TMEM108: variants seen among roughly 807,000 people sequenced by gnomAD.
TMEM108 encodes transmembrane protein 108.
Under a neutral mutation model 35.1 loss-of-function variants are expected in TMEM108, and 12 were observed. The observed-to-expected ratio is 0.34, with a 90% CI of 0.22 to 0.55. The LOEUF (loss-of-function observed/expected upper bound fraction) is 0.55. Ranked by LOEUF, TMEM108 falls within the 20% of genes least tolerant of loss-of-function variation. TMEM108 has a pLI of 0.89. For synonymous variants in TMEM108, 287 were observed against 308.6 expected, an observed-to-expected ratio of 0.93 and a Z score of 0.73; for missense variants, 680 against 753.3, an observed-to-expected ratio of 0.90 and a Z score of 1.14.
intron 3 of TMEM108, among the ~76,000 whole-genome samples, chr3:133,252,676 AG>A (rs572824336): frequency 4.1e-4 from 62 of 152,264 alleles, no homozygotes; most frequent in African/African-American, 1.4e-3. Flanking sequence ...GAAAAGATGA[AG>A]GGGTCAAGGA....
intron 4 of TMEM108, among the ~76,000 whole-genome samples, chr3:133,382,416 CTCAGCCCCGGCCCTTCAAGTCT>C (rs1240486407): frequency 1.9e-4 from 29 of 152,376 alleles, no homozygotes; most frequent in African/African-American, 6.7e-4. Context: ...ATCCAAGCTG[CTCAGCCCCGGCCCTTCAAGTCT>C]TCTTTGTAGG....
chr3:133,298,087 G>A (rs980956536), intron 3 of TMEM108, among the ~76,000 whole-genome samples: 1 of 152,130 alleles, frequency 6.6e-6, no homozygotes, highest in Non-Finnish European at 1.5e-5. Flanking sequence ...CACGCTACTG[G>A]AGAGAATTGG....
intron 2 of TMEM108, among the ~76,000 whole-genome samples, chr3:133,121,280 T>C (rs948701476): frequency 6.6e-6 from 1 of 152,244 alleles, no homozygotes; most frequent in South Asian, 2.1e-4. Flanking sequence ...AGGAGTGTTA[T>C]AATAGAACAT....
intron 3 of TMEM108, among the ~76,000 whole-genome samples, chr3:133,342,593 A>AAAATG (rs2107749863): frequency 1.2e-5 from 1 of 82,174 alleles, no homozygotes; most frequent in East Asian, 2.6e-4. Context: ...GCAGCCATAA[A>AAAATG]AAATGAAAAT....
intron 2 of TMEM108, among the ~76,000 whole-genome samples, chr3:133,177,701 A>G (rs1355526797): frequency 2.0e-5 from 3 of 152,180 alleles, no homozygotes; most frequent in Non-Finnish European, 4.4e-5. Context: ...CCCACAGCCA[A>G]TATCATACTG....
intron 2 of TMEM108, among the ~76,000 whole-genome samples, chr3:133,098,595 A>AT (rs1436537652): frequency 6.6e-6 from 1 of 152,206 alleles, no homozygotes; most frequent in Non-Finnish European, 1.5e-5. Flanking sequence ...AGCCTGTAAA[A>AT]TCAAAAGCAG....
rs1946221842 is a variant in TMEM108 at position 133,235,462 on chromosome 3, A to G, written c.40+6111A>G. Among the ~76,000 whole-genome samples, 3 of 152,198 alleles carry G rather than the reference A, an allele frequency of 2.0e-5. No individual in the cohort carries two copies. The South Asian group carries it at 6.2e-4, about 32-fold the overall frequency. Reference sequence around the variant, plus strand: ...GAAATAACGCTGCATATCTACAACTATCTGATCTTTGACAAACCTGAGAAA... The same window carrying G: ...GAAATAACGCTGCATATCTACAACTGTCTGATCTTTGACAAACCTGAGAAA... On this transcript the variant is annotated intron_variant, in intron 3 of 5. Transcript: ENST00000321871.
chr3:133,117,175 T>C (rs764659254), intron 2 of TMEM108, among the ~76,000 whole-genome samples: 2 of 152,224 alleles, frequency 1.3e-5, no homozygotes, highest in Non-Finnish European at 2.9e-5. Context: ...ACTCTAAAAA[T>C]AGAATATACA....
chr3:133,368,882 A>G (rs1225491423), intron 3 of TMEM108, among the ~76,000 whole-genome samples: 2 of 152,204 alleles, frequency 1.3e-5, no homozygotes, highest in Non-Finnish European at 2.9e-5. Context: ...AAGAACTCAC[A>G]GCCCCATGGG....
intron 3 of TMEM108, among the ~76,000 whole-genome samples, chr3:133,328,859 A>C (rs2071361574): frequency 6.6e-6 from 1 of 152,178 alleles, no homozygotes; most frequent in African/African-American, 2.4e-5. Context: ...GGTTCCCCCA[A>C]ATAATTGGGA....
In TMEM108 at chr3:133,381,199, C is replaced by T. The variant is rs1378489707; in HGVS notation, c.1450+38C>T. The T allele has an allele frequency of 1.9e-6, 3 of 1,539,668 alleles. No homozygotes were observed. In the East Asian group the frequency reaches 6.8e-5, roughly 35 times the overall value. On this transcript the variant is annotated intron_variant, in intron 4 of 5. Coordinates refer to ENST00000321871, the MANE Select transcript of TMEM108 (RefSeq NM_023943.4). ...CTCTCCCACCCATCCTCTCCCTCTA[C>T]CACATCACTGGCTCAACCCCAGCAT... is the stretch of plus-strand genomic sequence containing the variant.
At chr3:133,217,217 C>A (rs1025314892) in intron 2 of TMEM108, among the ~76,000 whole-genome samples, 2 of 151,918 alleles carry the variant, frequency 1.3e-5, no homozygotes, top group African/African-American at 4.8e-5. Context: ...AACCTCTGGA[C>A]CATGGGTATA....
intron 2 of TMEM108, among the ~76,000 whole-genome samples, chr3:133,072,593 T>C (rs1243766721): frequency 6.6e-6 from 1 of 152,178 alleles, no homozygotes; most frequent in Non-Finnish European, 1.5e-5. Flanking sequence ...TTGCTTTTGC[T>C]CTTTACCGCA....
intron 3 of TMEM108, among the ~76,000 whole-genome samples, chr3:133,285,845 T>A (rs1946976599): frequency 6.6e-6 from 1 of 152,216 alleles, no homozygotes; most frequent in Non-Finnish European, 1.5e-5. Flanking sequence ...TTCTGGCCCT[T>A]GGATATGTTT....
chr3:133,102,044 T>C (rs1944095700), intron 2 of TMEM108, among the ~76,000 whole-genome samples: 1 of 152,242 alleles, frequency 6.6e-6, no homozygotes. Flanking sequence ...TTCATATTCA[T>C]ATTCCATTGG....
At chr3:133,064,561 G>A (rs1943572950) in intron 2 of TMEM108, among the ~76,000 whole-genome samples, 1 of 152,224 alleles carries the variant, frequency 6.6e-6, no homozygotes, top group East Asian at 1.9e-4. Context: ...GTACAGAAAT[G>A]TGATTTTATG....
intron 2 of TMEM108, among the ~76,000 whole-genome samples, chr3:133,197,971 C>T (rs1219347410): frequency 6.6e-6 from 1 of 152,222 alleles, no homozygotes; most frequent in Non-Finnish European, 1.5e-5. Context: ...GCTTCTCCTT[C>T]TCTTTCATCT....
rs1007546100 is a variant in TMEM108, at chr3:133,383,007, G to A, written c.1450+1846G>A. 4.6e-5 allele frequency among the ~76,000 whole-genome samples: 7 copies of A among 152,308 alleles called. 2 individuals are homozygous for A. The South Asian group carries it at 1.5e-3, about 32-fold the overall frequency. On this transcript the variant is annotated intron_variant, in intron 4 of 5. Transcript: ENST00000321871. ...TGAAAACAGCTTTATTGTCTCTCAT[G>A]AAAACACACATTTACACATTTATTC... is the stretch of plus-strand genomic sequence containing the variant.
intron 2 of TMEM108, among the ~76,000 whole-genome samples, chr3:133,107,939 ATGT>A (rs1705051164): frequency 1.3e-5 from 2 of 152,174 alleles, no homozygotes; most frequent in South Asian, 2.1e-4. Flanking sequence ...TCCTATAAAA[ATGT>A]TGTTTATAGC....
Sources: allele counts gnomAD v4.1 joint callset (sites outside exome capture counted in the v4.1 genomes callset), GRCh38; gene constraint gnomAD v4.1.1; transcripts MANE v1.5; gene names NCBI Gene and HGNC (gene_info 2026-07-23, HGNC 2026-07-21).